Variants in MGAT4C observed in about 807,000 individuals in gnomAD.
MGAT4C encodes the protein alpha-1,3-mannosyl-glycoprotein 4-beta-N-acetylglucosaminyltransferase C.
A neutral mutation model predicts 40.1 loss-of-function variants in MGAT4C; 19 were observed. That is an observed-to-expected ratio of 0.47 (90% CI 0.33 to 0.70). The LOEUF is 0.70. MGAT4C is among the 30% of genes least tolerant of loss of function. The pLI is 0.02. For synonymous variants in MGAT4C, 181 were observed against 187.1 expected (o/e 0.97, Z 0.27); for missense variants, 491 against 563.2 (o/e 0.87, Z 1.30).
At position 86,794,800 on chromosome 12, in the gene MGAT4C, AAT is replaced by A. The variant is rs1388201942; in HGVS notation, c.-262+43864_-262+43865del. On this transcript the variant is annotated intron_variant, in intron 1 of 7. Transcript: ENST00000548651. ...TCAATTTTTTTGTTTGATGCAATAA[AAT>A]ATGACTTATTGATATAATAAAATAT... is the stretch of plus-strand genomic sequence containing the variant. Among the ~76,000 whole-genome samples the A allele has an allele frequency of 2.0e-5, 3 of 152,004 alleles. No homozygotes were observed. The East Asian group carries it at 5.8e-4, about 29-fold the overall frequency.
At chr12:86,782,938 C>T (rs182908565) in intron 1 of MGAT4C, among the ~76,000 whole-genome samples, 9 of 152,192 alleles carry the variant, frequency 5.9e-5, no homozygotes, top group East Asian at 1.9e-4. Context: ...TAATCCAAAC[C>T]GGTCTGTAGT....
At chr12:86,215,174 C>A (rs1343603799) in intron 1 of MGAT4C, among the ~76,000 whole-genome samples, 1 of 152,030 alleles carries the variant, frequency 6.6e-6, no homozygotes, top group African/African-American at 2.4e-5. Flanking sequence ...AAATTAAAAC[C>A]AATCCATAGA....
chr12:86,359,968 T>G (rs1027619697), intron 3 of MGAT4C, among the ~76,000 whole-genome samples: 1 of 152,174 alleles, frequency 6.6e-6, no homozygotes, highest in Non-Finnish European at 1.5e-5. Context: ...GAATCCTCCC[T>G]AACTCTTTTT....
intron 1 of MGAT4C, among the ~76,000 whole-genome samples, chr12:86,827,997 A>G (rs1952840871): frequency 6.6e-6 from 1 of 151,168 alleles, no homozygotes; most frequent in East Asian, 1.9e-4. Flanking sequence ...ATATATACCC[A>G]TTTTTTTCAT....
chr12:86,742,997 G>GTGTGTA (rs1169782604), intron 1 of MGAT4C, among the ~76,000 whole-genome samples: 2 of 147,226 alleles, frequency 1.4e-5, no homozygotes, highest in Non-Finnish European at 3.0e-5. Context: ...GTGTGTGTAT[G>GTGTGTA]TGTGTATGTG....
chr12:86,830,813 C>T (rs1414526278), intron 1 of MGAT4C, among the ~76,000 whole-genome samples: 1 of 151,808 alleles, frequency 6.6e-6, no homozygotes, highest in Non-Finnish European at 1.5e-5. Flanking sequence ...TAGTTACCCT[C>T]CTCCTAAAGA....
At chr12:86,225,452 A>T (rs906699517) in intron 1 of MGAT4C, among the ~76,000 whole-genome samples, 1 of 152,108 alleles carries the variant, frequency 6.6e-6, no homozygotes, top group African/African-American at 2.4e-5. Flanking sequence ...TATGAGGCCA[A>T]CATCACCCCA....
At chr12:86,250,330 TGAGAGAGA>T (rs3047014) in intron 1 of MGAT4C, among the ~76,000 whole-genome samples, 91,606 of 142,702 alleles carry the variant, frequency 0.64, 29,514 homozygotes, top group Middle Eastern at 0.72. Context: ...ACACACACAC[TGAGAGAGA>T]GAGAGAGAGA....
intron 3 of MGAT4C, among the ~76,000 whole-genome samples, chr12:86,380,230 A>G (rs1565718654): frequency 6.6e-6 from 1 of 152,166 alleles, no homozygotes. Context: ...TAAGAATCAG[A>G]GCCACTACAA....
chr12:86,408,479 C>CTCTCTCTCTCTCTA (rs1267344319), intron 3 of MGAT4C, among the ~76,000 whole-genome samples: 23 of 63,338 alleles, frequency 3.6e-4, no homozygotes, highest in Middle Eastern at 0.013. Context: ...CTCTCTCTCT[C>CTCTCTCTCTCTCTA]TATATATATA....
upstream of MGAT4C, among the ~76,000 whole-genome samples, chr12:86,261,026 CTCATAAGTAT>C (rs1952647299): frequency 1.3e-5 from 2 of 151,924 alleles, no homozygotes; most frequent in South Asian, 4.1e-4. Flanking sequence ...TATATAGCTA[CTCATAAGTAT>C]TAAACAGAAC....
intron 1 of MGAT4C, among the ~76,000 whole-genome samples, chr12:86,740,681 C>T (rs1285048550): frequency 6.6e-6 from 1 of 151,020 alleles, no homozygotes; most frequent in Non-Finnish European, 1.5e-5. Flanking sequence ...TCAGAAAAGC[C>T]TCAAAGTCCT....
At chr12:86,282,593 T>G (rs12307279) in intron 4 of MGAT4C, among the ~76,000 whole-genome samples, 14,152 of 152,108 alleles carry the variant, frequency 0.093, 829 homozygotes, top group Middle Eastern at 0.22. Flanking sequence ...ACTTTTTTCT[T>G]GCTTCTCCAT....
At chr12:86,712,162 A>G (rs1209847389) in intron 2 of MGAT4C, among the ~76,000 whole-genome samples, 2 of 152,182 alleles carry the variant, frequency 1.3e-5, no homozygotes, top group Non-Finnish European at 2.9e-5. Flanking sequence ...CGTTTGGAGA[A>G]TAAATAACTT....
At chr12:86,602,753 G>C (rs1480761160) in intron 2 of MGAT4C, among the ~76,000 whole-genome samples, 1 of 152,130 alleles carries the variant, frequency 6.6e-6, no homozygotes, top group Non-Finnish European at 1.5e-5. Flanking sequence ...CCTGTAATGA[G>C]TTGATTTAAT....
At chr12:86,501,300 T>C (rs544311930) in intron 2 of MGAT4C, among the ~76,000 whole-genome samples, 23 of 152,206 alleles carry the variant, frequency 1.5e-4, no homozygotes, top group African/African-American at 4.1e-4. Flanking sequence ...ATTATTTTTA[T>C]TTGTTTTTCC....
At chr12:86,473,934 T>A (rs917353157) in intron 2 of MGAT4C, among the ~76,000 whole-genome samples, 4 of 152,116 alleles carry the variant, frequency 2.6e-5, no homozygotes, top group Non-Finnish European at 5.9e-5. Flanking sequence ...AGCAGAAGTT[T>A]CTATCAATGG....
At chr12:86,020,242 T>C (rs1433714719) in intron 2 of MGAT4C, among the ~76,000 whole-genome samples, 1 of 152,102 alleles carries the variant, frequency 6.6e-6, no homozygotes, top group Non-Finnish European at 1.5e-5. Context: ...AATAGGAGTG[T>C]TGAGGGAGGG....
At chr12:86,496,138 ATTG>A (rs1958230388) in intron 2 of MGAT4C, among the ~76,000 whole-genome samples, 1 of 151,688 alleles carries the variant, frequency 6.6e-6, no homozygotes, top group South Asian at 2.1e-4. Context: ...GACCTAGATA[ATTG>A]TTCCCTCCTC....
Sources: allele counts gnomAD v4.1 joint callset (sites outside exome capture counted in the v4.1 genomes callset), GRCh38; gene constraint gnomAD v4.1.1; transcripts MANE v1.5; gene names NCBI Gene and HGNC (gene_info 2026-07-23, HGNC 2026-07-21).